Variants in TET1 observed in about 807,000 individuals in gnomAD.
TET1 encodes methylcytosine dioxygenase TET1.
A neutral mutation model predicts 148.7 loss-of-function variants in TET1; 13 were observed. That is an observed-to-expected ratio of 0.09 (90% CI 0.06 to 0.14). TET1 has a LOEUF of 0.14. TET1 is among the 10% of genes least tolerant of loss of function. The probability of loss-of-function intolerance (pLI) is 1.00; values close to 1 mark genes in which losing one functional copy is unlikely to be tolerated. For missense variants in TET1, 2,182 were observed against 2,553.8 expected, an observed-to-expected ratio of 0.85 and a Z score of 3.14; for synonymous variants, 907 against 937.2, an observed-to-expected ratio of 0.97 and a Z score of 0.59.
chr10:68,632,288 C>T (rs1204625580), intron 3 of TET1: 2 of 1,192,122 alleles, frequency 1.7e-6, no homozygotes, highest in African/African-American at 1.5e-5. Flanking sequence ...CGCCACTGCA[C>T]TCCAGCCTGG....
rs547994362 is a variant in TET1, at chr10:68,641,272, G to T, written c.1969-3426G>T. On this transcript the variant is annotated intron_variant, in intron 3 of 11. Transcript: ENST00000373644. ...GGCTAGAGTGTAATGGCACGATCTC[G>T]GCTCACTGCAACCTCTACCTCCTGG... is the stretch of plus-strand genomic sequence containing the variant. Among the ~76,000 whole-genome samples, 3 of 151,644 alleles carry T rather than the reference G, an allele frequency of 2.0e-5. No homozygotes were observed. The East Asian group carries it at 5.8e-4, about 29-fold the overall frequency.
At chr10:68,596,956 T>C (rs975263628) in intron 2 of TET1, among the ~76,000 whole-genome samples, 5 of 151,544 alleles carry the variant, frequency 3.3e-5, no homozygotes, top group African/African-American at 9.7e-5. Flanking sequence ...GCAATATAGA[T>C]ATTCTGTACA....
At chr10:68,642,389 G>A (rs182110329) in intron 3 of TET1, among the ~76,000 whole-genome samples, 516 of 152,056 alleles carry the variant, frequency 3.4e-3, no homozygotes, top group Non-Finnish European at 5.1e-3. Context: ...AGCCGTTATC[G>A]TGCCACTGCA....
At chr10:68,632,590 T>TG (rs2054590640) in intron 3 of TET1, 2 of 1,590,088 alleles carry the variant, frequency 1.3e-6, no homozygotes, top group Admixed American at 1.7e-5. Flanking sequence ...TTTGGGATGC[T>TG]GGTTTCACTG....
chr10:68,678,453 CAG>C (rs760968521), intron 8 of TET1, among the ~76,000 whole-genome samples: 1 of 152,216 alleles, frequency 6.6e-6, no homozygotes, highest in East Asian at 1.9e-4. Context: ...AGATTAGATA[CAG>C]AGTGTGAACA....
chr10:68,622,762 A>G (rs577062929), intron 3 of TET1, among the ~76,000 whole-genome samples: 22 of 151,624 alleles, frequency 1.5e-4, no homozygotes, highest in African/African-American at 5.4e-4. Flanking sequence ...AAATTTTTGT[A>G]GAGACAGTGT....
intron 3 of TET1, among the ~76,000 whole-genome samples, chr10:68,631,300 T>C (rs148523850): frequency 1.3e-5 from 2 of 152,300 alleles, no homozygotes; most frequent in African/African-American, 2.4e-5. Flanking sequence ...AAAAACCTAA[T>C]TGTAGTAGAT....
At chr10:68,612,552 C>T (rs1200419822) in intron 3 of TET1, among the ~76,000 whole-genome samples, 1 of 152,082 alleles carries the variant, frequency 6.6e-6, no homozygotes, top group African/African-American at 2.4e-5. Context: ...AAATAAAGTC[C>T]TTTATAGTCT....
intron 2 of TET1, among the ~76,000 whole-genome samples, chr10:68,579,932 C>CT (rs777355196): frequency 0.012 from 1,704 of 144,434 alleles, 13 homozygotes; most frequent in Non-Finnish European, 0.017. Flanking sequence ...CTTCCTTCTT[C>CT]TTTTTTTTTT....
At chr10:68,622,791 T>C (rs1474935689) in intron 3 of TET1, among the ~76,000 whole-genome samples, 2 of 151,970 alleles carry the variant, frequency 1.3e-5, no homozygotes, top group Non-Finnish European at 2.9e-5. Context: ...GTTGTCCAGA[T>C]TGATCTCAAA....
intron 1 of TET1, among the ~76,000 whole-genome samples, chr10:68,565,464 TA>T (rs199760806): frequency 0.14 from 14,930 of 107,904 alleles, 967 homozygotes; most frequent in Middle Eastern, 0.17. Flanking sequence ...AGACCCTGTT[TA>T]AAAAAAAAAA....
intron 7 of TET1, among the ~76,000 whole-genome samples, chr10:68,668,803 T>C (rs2055228789): frequency 6.6e-6 from 1 of 152,132 alleles, no homozygotes; most frequent in African/African-American, 2.4e-5. Flanking sequence ...ATAGTAAGAC[T>C]CCATCTCTAC....
chr10:68,675,206 G>A (rs192852881), intron 8 of TET1: 8 of 244,352 alleles, frequency 3.3e-5, no homozygotes, highest in Admixed American at 1.7e-4. Context: ...AACATTCAAG[G>A]AAAATGCATA....
chr10:68,611,031 A>G (rs544013139), intron 3 of TET1, among the ~76,000 whole-genome samples: 16 of 152,304 alleles, frequency 1.1e-4, no homozygotes, highest in Admixed American at 8.5e-4. Flanking sequence ...GCAGTGGCTC[A>G]TGCCTGTAAT....
At chr10:68,607,430 G>A (rs1196807749) in intron 3 of TET1, among the ~76,000 whole-genome samples, 1 of 145,476 alleles carries the variant, frequency 6.9e-6, no homozygotes, top group Admixed American at 6.9e-5. Context: ...TGTTTTTTTT[G>A]TTTGTTTGTT....
At chr10:68,656,122 C>G (rs1440889854) in intron 6 of TET1, among the ~76,000 whole-genome samples, 1 of 152,138 alleles carries the variant, frequency 6.6e-6, no homozygotes, top group African/African-American at 2.4e-5. Flanking sequence ...AAGCTCAGGG[C>G]TCCCACTGAT....
intron 3 of TET1, among the ~76,000 whole-genome samples, chr10:68,615,356 C>CTTTTCTTTCTTTTT (rs138957422): frequency 6.9e-6 from 1 of 145,280 alleles, no homozygotes; most frequent in African/African-American, 2.5e-5. Flanking sequence ...CTTTTCTTTT[C>CTTTTCTTTCTTTTT]TTTTTTTGAG....
chr10:68,598,690 C>A (rs58506126), intron 2 of TET1, among the ~76,000 whole-genome samples: 83 of 132,668 alleles, frequency 6.3e-4, no homozygotes, highest in Non-Finnish European at 1.2e-3. Flanking sequence ...TTTTTTTTTT[C>A]TTTTTCTTTC....
At chr10:68,664,424 T>A (rs1436296388) in intron 6 of TET1, among the ~76,000 whole-genome samples, 1 of 150,594 alleles carries the variant, frequency 6.6e-6, no homozygotes, top group African/African-American at 2.5e-5. Context: ...TTTTTTTTAA[T>A]TTTTTTGAGA....
Sources: allele counts gnomAD v4.1 joint callset (sites outside exome capture counted in the v4.1 genomes callset), GRCh38; gene constraint gnomAD v4.1.1; transcripts MANE v1.5; gene names NCBI Gene and HGNC (gene_info 2026-07-23, HGNC 2026-07-21).